DNAH6: variants seen among roughly 807,000 people sequenced by gnomAD.
DNAH6 encodes dynein axonemal heavy chain 6.
Under a neutral mutation model 491.4 loss-of-function variants are expected in DNAH6, and 340 were observed. The ratio of observed to expected loss-of-function variants is 0.69; its 90% CI spans 0.63 to 0.76. The LOEUF is 0.76. Among genes scored for constraint, DNAH6 ranks in the 30% least tolerant of loss-of-function variants. DNAH6 has a pLI of 0.00. For missense variants in DNAH6, 4,443 were observed against 4,972.2 expected (o/e 0.89, Z 3.20); for synonymous variants, 1,603 against 1,686.1 (o/e 0.95, Z 1.21).
intron 56 of DNAH6, among the ~76,000 whole-genome samples, chr2:84,710,712 A>G (rs1170348189): frequency 6.6e-6 from 1 of 152,216 alleles, no homozygotes; most frequent in Non-Finnish European, 1.5e-5. Context: ...GAAAATTCAC[A>G]ACAGTAGTGC....
At chr2:84,623,962 C>T (rs1002612875) in intron 26 of DNAH6, among the ~76,000 whole-genome samples, 1 of 152,118 alleles carries the variant, frequency 6.6e-6, no homozygotes, top group Non-Finnish European at 1.5e-5. Context: ...GGGCTTTCCT[C>T]GAGGCAAATG....
chr2:84,544,517 T>A lies in DNAH6; in HGVS notation c.930+17T>A. On this transcript the variant is annotated intron_variant, in intron 5 of 76. Transcript: ENST00000389394. ...GTTAATCCTGTATGTATTTATCATT[T>A]ATATTTTAAAATAATTACTTACAAA... The A allele has an allele frequency of 7.7e-7, 1 of 1,297,072 alleles. No homozygotes were observed. Among genetic ancestry groups the A allele is most frequent in the Non-Finnish European group, 1.1e-6 (1 of 941,448 alleles). The allele number at this position is 1,297,072 out of a possible 1,614,324, so 80.3% of individuals were successfully genotyped here. A position where few individuals can be genotyped will look rare whatever the true frequency, so the allele number is the denominator to read the frequency against.
At position 84,718,514 on chromosome 2, in the gene DNAH6, C is replaced by CG. The variant is rs765689754; in HGVS notation, c.9792+133dup. ...CACTGGGCTTCCATGGACACACAGA[C>CG]GGGTGCCTGCCTGTCAGGGCTCCTT... On this transcript the variant is annotated intron_variant, in intron 59 of 76. Coordinates refer to ENST00000389394, the MANE Select transcript of DNAH6 (RefSeq NM_001370.2). 440 of 647,312 alleles carry CG rather than the reference C, an allele frequency of 6.8e-4. 1 individual carries two copies. Among genetic ancestry groups the CG allele is most frequent in the Non-Finnish European group, 9.5e-4 (406 of 425,628 alleles). The allele number at this position is 647,312 out of a possible 1,614,324, so 40.1% of individuals were successfully genotyped here. A position where few individuals can be genotyped will look rare whatever the true frequency, so the allele number is the denominator to read the frequency against.
chr2:84,536,203 G>C (rs960649007), intron 4 of DNAH6, among the ~76,000 whole-genome samples: 1 of 152,008 alleles, frequency 6.6e-6, no homozygotes, highest in Non-Finnish European at 1.5e-5. Context: ...GCAATCCAAA[G>C]GATGAGTTTT....
rs1465287607 is a variant in DNAH6, at chr2:84,784,141, T to C, written c.10865-581T>C. ...AACAATGATTTTTCCAACTTTACTTTGGCCTTTTGAACCTACAGTGGAGCT... is the reference window on the plus strand; with the variant it reads ...AACAATGATTTTTCCAACTTTACTTCGGCCTTTTGAACCTACAGTGGAGCT... On this transcript the variant is annotated intron_variant, in intron 65 of 76. Transcript: ENST00000389394. Among the ~76,000 whole-genome samples, 5 of 152,222 alleles carry C rather than the reference T, an allele frequency of 3.3e-5. 1 individual carries two copies. The highest frequency in any genetic ancestry group is 1.2e-4 in the African/African-American group (5 of 41,472).
intron 37 of DNAH6, among the ~76,000 whole-genome samples, chr2:84,660,064 A>C (rs555999049): frequency 6.6e-6 from 1 of 152,172 alleles, no homozygotes; most frequent in African/African-American, 2.4e-5. Flanking sequence ...AAAGAACTAG[A>C]CACAAAGACA....
intron 8 of DNAH6, 94 bp from the exon 9 acceptor site, chr2:84,549,795 A>C: frequency 1.2e-6 from 1 of 831,032 alleles, no homozygotes; most frequent in African/African-American, 1.7e-5. Context: ...AAATTATGAT[A>C]TTTTACATTT....
At chr2:84,686,756 G>A (rs966488825) in intron 44 of DNAH6, among the ~76,000 whole-genome samples, 199 bp downstream of exon 44, 4 of 152,188 alleles carry the variant, frequency 2.6e-5, no homozygotes, top group Admixed American at 2.0e-4. Flanking sequence ...CATAGCCACA[G>A]CCATTTATGT....
the DNAH6 span, among the ~76,000 whole-genome samples, chr2:84,506,580 T>G: frequency 4.6e-5 from 7 of 152,182 alleles, no homozygotes; most frequent in African/African-American, 1.4e-4. Flanking sequence ...TACTTAGATC[T>G]CATTTGTCAA....
At chr2:84,470,502 T>C in the DNAH6 span, among the ~76,000 whole-genome samples, 1 of 152,184 alleles carries the variant, frequency 6.6e-6, no homozygotes, top group East Asian at 1.9e-4. Flanking sequence ...TGTGGGGTAA[T>C]GTCCTGACAT....
At chr2:84,570,869 C>G (rs1681758125) in intron 11 of DNAH6, among the ~76,000 whole-genome samples, 1 of 152,178 alleles carries the variant, frequency 6.6e-6, no homozygotes, top group Non-Finnish European at 1.5e-5. Flanking sequence ...CCTTTAAGAG[C>G]TGTAACACTT....
chr2:84,671,868 T>C (rs1692770212), intron 39 of DNAH6, among the ~76,000 whole-genome samples: 1 of 152,260 alleles, frequency 6.6e-6, no homozygotes, highest in African/African-American at 2.4e-5. Context: ...TTCCCTTTGA[T>C]GTGATCAGGA....
At chr2:84,598,181 CTCTTTCT>C (rs1684860823) in intron 18 of DNAH6, among the ~76,000 whole-genome samples, 2 of 14,442 alleles carry the variant, frequency 1.4e-4, no homozygotes, top group East Asian at 3.2e-3. Context: ...CTTTCTTTCT[CTCTTTCT>C]TTTCTTTCTT....
intron 38 of DNAH6, among the ~76,000 whole-genome samples, chr2:84,670,091 T>C (rs185267134): frequency 1.5e-3 from 222 of 152,322 alleles, no homozygotes; most frequent in Non-Finnish European, 2.5e-3. Flanking sequence ...GTAGCCAAGA[T>C]GGATTTTGGC....
intron 64 of DNAH6, chr2:84,777,546 C>G: frequency 2.6e-6 from 2 of 767,164 alleles, no homozygotes. Flanking sequence ...GCACTCTCAA[C>G]CACCTACTTG....
intron 4 of DNAH6, among the ~76,000 whole-genome samples, chr2:84,530,663 CA>C (rs1291233085): frequency 2.0e-5 from 3 of 152,080 alleles, no homozygotes; most frequent in Non-Finnish European, 4.4e-5. Context: ...AACAGGAAGA[CA>C]AATTGAAGGC....
At chr2:84,639,628 C>G (rs1297676381) in intron 31 of DNAH6, among the ~76,000 whole-genome samples, 2 of 152,038 alleles carry the variant, frequency 1.3e-5, no homozygotes, top group Admixed American at 1.3e-4. Flanking sequence ...CCGTGTTGGT[C>G]AGGCTGATCT....
Position 84,621,269 on chromosome 2 carries a change from T to A in DNAH6, c.3871T>A (p.Ser1291Thr). The change falls in exon 25 of 77, where the codon TCT (serine) becomes ACT (threonine). Residue 1291 changes from serine to threonine, a missense_variant. Ser to Thr is a moderately conservative substitution (Grantham distance 58, BLOSUM62 1). This residue lies in a region of DNAH6 where 2,977 missense variants were observed against 3,296.6 expected (regional missense o/e 0.90). Coordinates refer to ENST00000389394, the MANE Select transcript of DNAH6 (RefSeq NM_001370.2). ...TAAAGTGGAAGAAGCCATGTTCACATCTCTGCGTCGCCTGTGCAAAGCTGC... is the reference window on the plus strand; with the variant it reads ...TAAAGTGGAAGAAGCCATGTTCACAACTCTGCGTCGCCTGTGCAAAGCTGC... ...LGKVEEAMFT[S>T]LRRLCKAAIA... The A allele has an allele frequency of 6.4e-7, 1 of 1,551,602 alleles. No homozygotes were observed. Among genetic ancestry groups the A allele is most frequent in the Non-Finnish European group, 8.7e-7 (1 of 1,146,914 alleles).
At position 84,798,472 on chromosome 2, in the gene DNAH6, G is replaced by A. The variant is rs535673960; in HGVS notation, c.11481+814G>A. ...GTTTGAACCCACACACAGCCCAGAA[G>A]GCTTTGCTGTGCTGTGCAGCTGCAG... On this transcript the variant is annotated intron_variant, in intron 70 of 76. Transcript: ENST00000389394. 1.2e-3 allele frequency among the ~76,000 whole-genome samples: 179 copies of A among 152,268 alleles called. 1 individual carries two copies. Among genetic ancestry groups the A allele is most frequent in the African/African-American group, 4.2e-3 (174 of 41,532 alleles).
Sources: gnomAD v4.1 joint callset for allele counts (sites outside exome capture counted in the v4.1 genomes callset) on GRCh38, gnomAD v4.1.1 for gene constraint, gnomAD v4.1.1 regional missense constraint, MANE v1.5 for transcripts, NCBI Gene and HGNC (gene_info 2026-07-23, HGNC 2026-07-21) for gene names.